The following NT5DC1 variants were observed in gnomAD, a reference collection of about 807,000 sequenced individuals.
NT5DC1 encodes 5'-nucleotidase domain containing 1.
A neutral mutation model predicts 59.4 loss-of-function variants in NT5DC1; 42 were observed. The ratio of observed to expected loss-of-function variants is 0.71; its 90% CI spans 0.55 to 0.92. The LOEUF (loss-of-function observed/expected upper bound fraction) is 0.92, where lower values mean the gene tolerates loss of function less well. Ranked by LOEUF, NT5DC1 falls within the 40% of genes least tolerant of loss-of-function variation. The pLI is 0.00. For synonymous variants in NT5DC1, 172 were observed against 188.1 expected (o/e 0.91, Z 0.70); for missense variants, 501 against 537.1 (o/e 0.93, Z 0.66).
chr6:116,229,602 T>C (rs2114550799), intron 8 of NT5DC1, among the ~76,000 whole-genome samples: 1 of 152,308 alleles, frequency 6.6e-6, no homozygotes, highest in East Asian at 1.9e-4. Context: ...CTCTATCACG[T>C]GCAGTGCGTC....
At chr6:116,208,191 A>G (rs1781498172) in intron 6 of NT5DC1, among the ~76,000 whole-genome samples, 1 of 151,958 alleles carries the variant, frequency 6.6e-6, no homozygotes, top group African/African-American at 2.4e-5. Context: ...AGTCAACTGT[A>G]ACTTTTTTCA....
chr6:116,168,071 T>A (rs1260427383), intron 6 of NT5DC1, among the ~76,000 whole-genome samples: 1 of 149,724 alleles, frequency 6.7e-6, no homozygotes, highest in East Asian at 1.9e-4. Flanking sequence ...CGATTTATGA[T>A]GTACCTGGTG....
intron 6 of NT5DC1, chr6:116,121,007 G>A: frequency 1.2e-6 from 2 of 1,614,002 alleles, no homozygotes; most frequent in African/African-American, 1.3e-5. Flanking sequence ...AGGGTATCCT[G>A]CAGGCCCAGC....
chr6:116,103,626 G>A (rs1778706774), intron 1 of NT5DC1, among the ~76,000 whole-genome samples: 1 of 152,114 alleles, frequency 6.6e-6, no homozygotes, highest in Admixed American at 6.5e-5. Context: ...AGGAGAAGAT[G>A]GTGGAGAAGT....
chr6:116,152,898 G>A (rs1412355198), intron 6 of NT5DC1, among the ~76,000 whole-genome samples: 1 of 152,024 alleles, frequency 6.6e-6, no homozygotes, highest in East Asian at 1.9e-4. Context: ...GATGTCGCCA[G>A]AGAAAAGGAA....
intron 6 of NT5DC1, among the ~76,000 whole-genome samples, chr6:116,171,636 G>A (rs1283502384): frequency 6.6e-6 from 1 of 152,126 alleles, no homozygotes; most frequent in Non-Finnish European, 1.5e-5. Flanking sequence ...TATTTGACTT[G>A]GCTGAATTCT....
intron 6 of NT5DC1, chr6:116,119,120 A>G (rs548629615): frequency 2.0e-5 from 3 of 152,782 alleles, no homozygotes; most frequent in Non-Finnish European, 2.9e-5. Context: ...TTTAAACAGC[A>G]ATATAAAAAT....
intron 1 of NT5DC1, among the ~76,000 whole-genome samples, chr6:116,102,815 A>G (rs1231167203): frequency 6.6e-6 from 1 of 152,230 alleles, no homozygotes; most frequent in Non-Finnish European, 1.5e-5. Context: ...AGCCTTACAC[A>G]GTAGGCAAAA....
intron 6 of NT5DC1, among the ~76,000 whole-genome samples, chr6:116,169,553 T>C (rs1780560141): frequency 6.6e-6 from 1 of 152,268 alleles, no homozygotes; most frequent in African/African-American, 2.4e-5. Flanking sequence ...ATTTTAGCTA[T>C]TCATTTTGCA....
rs555013213 is a variant in NT5DC1 at position 116,199,157 on chromosome 6, A to T, written c.530-21897A>T. Among the ~76,000 whole-genome samples, 3 of 152,198 alleles carry T rather than the reference A, an allele frequency of 2.0e-5. No homozygotes were observed. In the East Asian group the frequency reaches 5.8e-4, roughly 30 times the overall value. Reference sequence around the variant, plus strand: ...CACCCTCAGTCAAAAGCCGTAATGTATAAAAATATCTTTCCATGAAAGACA... The same window carrying T: ...CACCCTCAGTCAAAAGCCGTAATGTTTAAAAATATCTTTCCATGAAAGACA... On this transcript the variant is annotated intron_variant, in intron 6 of 11. Transcript: ENST00000319550.
chr6:116,178,082 TGTGTGTGC>T (rs778631626), intron 6 of NT5DC1, among the ~76,000 whole-genome samples: 194 of 107,320 alleles, frequency 1.8e-3, no homozygotes, highest in Middle Eastern at 0.014. Context: ...TGTGTGTGTG[TGTGTGTGC>T]GCGCGCGCGC....
chr6:116,120,072 C>T, intron 6 of NT5DC1: 1 of 1,559,546 alleles, frequency 6.4e-7, no homozygotes, highest in Non-Finnish European at 8.8e-7. Flanking sequence ...TCTGTGTGTA[C>T]TCACATTGGA....
At chr6:116,152,462 C>T (rs945868427) in intron 6 of NT5DC1, among the ~76,000 whole-genome samples, 1 of 152,064 alleles carries the variant, frequency 6.6e-6, no homozygotes, top group African/African-American at 2.4e-5. Flanking sequence ...GCTTTAAACT[C>T]ATCTATTATG....
intron 6 of NT5DC1, among the ~76,000 whole-genome samples, chr6:116,178,051 A>AAG (rs1252832891): frequency 1.2e-5 from 1 of 86,792 alleles, no homozygotes; most frequent in East Asian, 3.4e-4. Flanking sequence ...ACAAAGAGGA[A>AAG]AGTGTGTGTG....
intron 6 of NT5DC1, among the ~76,000 whole-genome samples, chr6:116,218,791 A>C (rs1781736754): frequency 6.6e-6 from 1 of 152,088 alleles, no homozygotes; most frequent in African/African-American, 2.4e-5. Flanking sequence ...CTCATATTGC[A>C]AAATATTATT....
chr6:116,154,160 T>A (rs575003107), intron 6 of NT5DC1, among the ~76,000 whole-genome samples: 1 of 151,594 alleles, frequency 6.6e-6, no homozygotes, highest in Admixed American at 6.6e-5. Context: ...AGAATAGCAA[T>A]AAGAGTCTAT....
rs1771788034 is a variant in NT5DC1, at chr6:116,243,912, T to TA, written c.1257dup (p.Pro420ThrfsTer30). ...TAAATTTTTTTTTCCTCCCCAGAAT[T>TA]ACCTCTGGACTACAAATTTACAAGA... On this transcript the variant is annotated frameshift_variant, in exon 12 of 12. Transcript: ENST00000319550. LOFTEE classifies it high-confidence loss of function. 7.1e-7 allele frequency: 1 copy of TA among 1,400,382 alleles called. No individual in the cohort carries two copies. Among genetic ancestry groups the TA allele is most frequent in the Non-Finnish European group, 1.0e-6 (1 of 1,004,982 alleles). The allele number at this position is 1,400,382 out of a possible 1,614,324, so 86.7% of individuals were successfully genotyped here.
chr6:116,136,285 T>C (rs1779598662), intron 6 of NT5DC1, among the ~76,000 whole-genome samples: 1 of 152,192 alleles, frequency 6.6e-6, no homozygotes, highest in African/African-American at 2.4e-5. Flanking sequence ...TTTTTAAGGC[T>C]GAATAATATT....
rs200158849 is a variant in NT5DC1 at position 116,115,750 on chromosome 6, G to T, written c.424G>T (p.Val142Leu). Residue 142 changes from valine (V) to leucine (L), a missense_variant, in exon 5 of 12, where the codon GTG becomes TTG. By Grantham distance (32) the Val-to-Leu change is conservative. Coordinates refer to ENST00000319550, the MANE Select transcript of NT5DC1 (RefSeq NM_152729.3). ...DLPGALLCAR[V>L]VDYLTKLNNG... ...GCCAGGAGCTCTTCTGTGTGCCAGG[G>T]TGGTGGACTATTTAACAAAAGTAAG... 158 of 1,590,646 alleles carry T rather than the reference G, an allele frequency of 9.9e-5. No individual in the cohort carries two copies. Among genetic ancestry groups the T allele is most frequent in the Non-Finnish European group, 1.3e-4 (149 of 1,158,812 alleles).
Sources: allele counts gnomAD v4.1 joint callset (sites outside exome capture counted in the v4.1 genomes callset), GRCh38; gene constraint gnomAD v4.1.1; transcripts MANE v1.5; gene names NCBI Gene and HGNC (gene_info 2026-07-23, HGNC 2026-07-21).